DCDC1: variants seen among roughly 807,000 people sequenced by gnomAD.
DCDC1 encodes doublecortin domain-containing protein 1.
A neutral mutation model predicts 178.3 loss-of-function variants in DCDC1; 200 were observed. The ratio of observed to expected loss-of-function variants is 1.12; its 90% CI spans 1.00 to 1.26. DCDC1 has a LOEUF of 1.26. Among genes scored for constraint, DCDC1 ranks in the 50% most tolerant of loss-of-function variants. DCDC1 has a pLI of 0.00. For synonymous variants in DCDC1, 690 were observed against 604.8 expected, an observed-to-expected ratio of 1.14 and a Z score of -2.07; for missense variants, 1,983 against 1,749.2, an observed-to-expected ratio of 1.13 and a Z score of -2.38.
At chr11:30,958,072 G>A (rs1948873010) in intron 20 of DCDC1, among the ~76,000 whole-genome samples, 1 of 152,258 alleles carries the variant, frequency 6.6e-6, no homozygotes, top group African/African-American at 2.4e-5. Flanking sequence ...TGTCCCATTA[G>A]GTTGAGCTGT....
At chr11:31,262,700 T>C (rs932567322) in intron 8 of DCDC1, 4 of 194,488 alleles carry the variant, frequency 2.1e-5, no homozygotes, top group South Asian at 1.9e-4. Context: ...CTTTCCCAAG[T>C]TGAAGTTCAG....
chr11:31,101,830 A>C (rs966913184), intron 15 of DCDC1, among the ~76,000 whole-genome samples: 3 of 152,152 alleles, frequency 2.0e-5, no homozygotes, highest in African/African-American at 7.2e-5. Flanking sequence ...TAATCACAGC[A>C]ATTTGGGAGG....
intron 9 of DCDC1, among the ~76,000 whole-genome samples, chr11:31,193,746 T>C (rs1359034266): frequency 2.0e-5 from 3 of 152,072 alleles, no homozygotes; most frequent in Non-Finnish European, 4.4e-5. Context: ...CATTAACCCT[T>C]TGGAGAACAA....
intron 20 of DCDC1, among the ~76,000 whole-genome samples, chr11:31,008,329 T>C (rs1390206499): frequency 6.6e-6 from 1 of 152,088 alleles, no homozygotes; most frequent in African/African-American, 2.4e-5. Flanking sequence ...GCTTACAGTT[T>C]AGGGGCTGAC....
chr11:31,196,213 G>A (rs1024334545), intron 9 of DCDC1, among the ~76,000 whole-genome samples: 9 of 151,966 alleles, frequency 5.9e-5, no homozygotes, highest in Non-Finnish European at 5.9e-5. Flanking sequence ...AGGGTAGAAA[G>A]GGAAAAAACA....
chr11:30,887,069 T>C (rs1943242038), intron 36 of DCDC1, among the ~76,000 whole-genome samples: 1 of 152,084 alleles, frequency 6.6e-6, no homozygotes, highest in African/African-American at 2.4e-5. Context: ...GTATGTAAAG[T>C]CAATAAATTT....
At chr11:31,250,415 C>CATATATATATATATATATATATATAT (rs753411919) in intron 8 of DCDC1, among the ~76,000 whole-genome samples, 2 of 73,732 alleles carry the variant, frequency 2.7e-5, no homozygotes, top group African/African-American at 1.0e-4. Context: ...CACACACACA[C>CATATATATATATATATATATATATAT]ATATACATAT....
At chr11:31,123,031 C>T (rs1961038510) in intron 11 of DCDC1, among the ~76,000 whole-genome samples, 1 of 151,912 alleles carries the variant, frequency 6.6e-6, no homozygotes, top group African/African-American at 2.4e-5. Flanking sequence ...ATAGACAATA[C>T]ACAAACATAA....
intron 20 of DCDC1, among the ~76,000 whole-genome samples, chr11:31,022,070 C>T (rs1233662499): frequency 1.3e-5 from 2 of 152,132 alleles, no homozygotes; most frequent in Non-Finnish European, 2.9e-5. Flanking sequence ...GCTTTACCAA[C>T]CCTAATACCA....
chr11:31,307,938 A>T, intron 3 of DCDC1, 30 bp from the exon 4 acceptor site: 4 of 1,609,902 alleles, frequency 2.5e-6, no homozygotes, highest in Non-Finnish European at 3.4e-6. Context: ...GAAGAATACA[A>T]TTAATTGATT....
chr11:31,115,658 T>C (rs952017659), intron 11 of DCDC1, among the ~76,000 whole-genome samples: 7 of 152,082 alleles, frequency 4.6e-5, no homozygotes, highest in African/African-American at 1.7e-4. Flanking sequence ...TTACATGTTG[T>C]CTTGGATTGG....
intron 18 of DCDC1, among the ~76,000 whole-genome samples, chr11:31,072,213 T>C (rs1956608539): frequency 6.6e-6 from 1 of 152,156 alleles, no homozygotes; most frequent in Admixed American, 6.5e-5. Context: ...CTGAAATTTT[T>C]ATTTAGTTTG....
chr11:31,069,052 C>T (rs1442801277), intron 18 of DCDC1, among the ~76,000 whole-genome samples: 2 of 152,010 alleles, frequency 1.3e-5, no homozygotes, highest in African/African-American at 2.4e-5. Flanking sequence ...AGGGTTTCAC[C>T]GTGTTAGCCA....
intron 9 of DCDC1, among the ~76,000 whole-genome samples, chr11:31,158,562 ACT>A (rs1490534393): frequency 6.6e-6 from 1 of 151,688 alleles, no homozygotes; most frequent in African/African-American, 2.4e-5. Context: ...CCATCACTCT[ACT>A]CTCTGCTTCT....
At chr11:30,972,560 AAAGAG>A (rs1341466550) in intron 20 of DCDC1, among the ~76,000 whole-genome samples, 2 of 152,154 alleles carry the variant, frequency 1.3e-5, no homozygotes, top group Non-Finnish European at 2.9e-5. Context: ...CATAAATAAG[AAAGAG>A]AAAAGACTAA....
chr11:31,119,599 T>TATC (rs753261196), intron 11 of DCDC1, among the ~76,000 whole-genome samples: 1 of 152,204 alleles, frequency 6.6e-6, no homozygotes, highest in Non-Finnish European at 1.5e-5. Context: ...TGACCTTAGT[T>TATC]ATCATTTAAT....
intron 1 of DCDC1, among the ~76,000 whole-genome samples, chr11:31,339,388 C>T (rs1306967848): frequency 6.6e-6 from 1 of 152,154 alleles, no homozygotes; most frequent in East Asian, 1.9e-4. Flanking sequence ...CTTAGACATC[C>T]TAGCTTCCAG....
At chr11:31,237,031 C>T (rs1198379124) in intron 9 of DCDC1, among the ~76,000 whole-genome samples, 1 of 151,810 alleles carries the variant, frequency 6.6e-6, no homozygotes, top group African/African-American at 2.4e-5. Flanking sequence ...AATTAAAATA[C>T]TAAGATTCCT....
intron 20 of DCDC1, among the ~76,000 whole-genome samples, chr11:30,989,698 G>A (rs1294396474): frequency 6.6e-6 from 1 of 152,160 alleles, no homozygotes; most frequent in Admixed American, 6.6e-5. Context: ...TGTATTTATA[G>A]AGTCGGAGAA....
Sources: gnomAD v4.1 joint callset for allele counts (sites outside exome capture counted in the v4.1 genomes callset) on GRCh38, gnomAD v4.1.1 for gene constraint, MANE v1.5 for transcripts, NCBI Gene and HGNC (gene_info 2026-07-23, HGNC 2026-07-21) for gene names.